Variants in TNFSF4 observed in about 807,000 individuals in gnomAD.
TNFSF4 encodes tumor necrosis factor ligand superfamily member 4.
TNFSF4 carries 4 observed loss-of-function variants against 7.3 expected under a neutral mutation model. The ratio of observed to expected loss-of-function variants is 0.55; its 90% CI spans 0.27 to 1.25. The LOEUF (loss-of-function observed/expected upper bound fraction) is 1.25, where lower values mean the gene tolerates loss of function less well. Among genes scored for constraint, TNFSF4 ranks in the 50% most tolerant of loss-of-function variants. The pLI, the probability that TNFSF4 is intolerant of heterozygous loss-of-function variation, is 0.12. For missense variants in TNFSF4, 181 were observed against 208.8 expected (o/e 0.87, Z 0.82); for synonymous variants, 76 against 83.7 (o/e 0.91, Z 0.50).
the TNFSF4 span, among the ~76,000 whole-genome samples, chr1:173,393,104 G>C: frequency 6.6e-6 from 1 of 152,100 alleles, no homozygotes; most frequent in Non-Finnish European, 1.5e-5. Flanking sequence ...GGAATGGAAG[G>C]GCTGAATAGC....
the TNFSF4 span, among the ~76,000 whole-genome samples, chr1:173,238,239 G>A: frequency 6.6e-6 from 1 of 152,104 alleles, no homozygotes. Flanking sequence ...ACACCATATC[G>A]AAAAATCAAC....
At chr1:173,450,634 C>G in the TNFSF4 span, among the ~76,000 whole-genome samples, 2 of 147,866 alleles carry the variant, frequency 1.4e-5, no homozygotes, top group African/African-American at 5.0e-5. Context: ...GAAAAGCCAT[C>G]AATGTAATTC....
the TNFSF4 span, among the ~76,000 whole-genome samples, chr1:173,272,199 G>T: frequency 1.3e-5 from 2 of 152,052 alleles, no homozygotes; most frequent in African/African-American, 2.4e-5. Context: ...GCCTGTCGTG[G>T]GGTGGTGGGG....
the TNFSF4 span, among the ~76,000 whole-genome samples, chr1:173,217,265 G>T: frequency 2.6e-5 from 4 of 152,212 alleles, no homozygotes; most frequent in Non-Finnish European, 4.4e-5. Flanking sequence ...GAACAGAATA[G>T]ACTGGATTGT....
chr1:173,419,906 G>T, the TNFSF4 span, among the ~76,000 whole-genome samples: 2 of 147,546 alleles, frequency 1.4e-5, no homozygotes, highest in African/African-American at 5.3e-5. Flanking sequence ...TTTGTGTGGC[G>T]GGGGGGGGGA....
chr1:173,271,044 C>G, the TNFSF4 span, among the ~76,000 whole-genome samples: 1 of 152,102 alleles, frequency 6.6e-6, no homozygotes, highest in African/African-American at 2.4e-5. Flanking sequence ...ACTATTTAGT[C>G]CATCCTTAAA....
intron 1 of TNFSF4, among the ~76,000 whole-genome samples, chr1:173,190,383 C>T (rs775848212): frequency 1.8e-4 from 28 of 152,198 alleles, no homozygotes; most frequent in Non-Finnish European, 3.2e-4. Context: ...TCCATTGGCA[C>T]CTGCCCACAC....
chr1:173,185,729 A>T lies in TNFSF4; in HGVS notation c.*787T>A, dbSNP rs1038878141. 6.6e-6 allele frequency: 1 copy of T among 152,172 alleles called. No individual in the cohort carries two copies. Among genetic ancestry groups the T allele is most frequent in the African/African-American group, 2.4e-5 (1 of 41,426 alleles). The allele number at this position is 152,172 out of a possible 1,614,324, so 9.4% of individuals were successfully genotyped here. ...CCTGCTATCCTGTACAGTAAAGCTAACCCTTCACAATAAGTTATCTCACTC... is the reference window on the plus strand; with the variant it reads ...CCTGCTATCCTGTACAGTAAAGCTATCCCTTCACAATAAGTTATCTCACTC... On this transcript the variant is annotated 3_prime_UTR_variant, in exon 3 of 3. Coordinates refer to ENST00000281834, the MANE Select transcript of TNFSF4 (RefSeq NM_003326.5).
chr1:173,196,659 C>T (rs1194844041), intron 1 of TNFSF4, among the ~76,000 whole-genome samples: 1 of 152,098 alleles, frequency 6.6e-6, no homozygotes, highest in Admixed American at 6.6e-5. Context: ...AGAGAAATGT[C>T]CTATATTTAG....
chr1:173,300,808 G>A, the TNFSF4 span, among the ~76,000 whole-genome samples: 1 of 151,826 alleles, frequency 6.6e-6, no homozygotes, highest in Admixed American at 6.6e-5. Flanking sequence ...TAAAAGCAAA[G>A]TGTATTGGAG....
the TNFSF4 span, among the ~76,000 whole-genome samples, chr1:173,379,548 C>T: frequency 1.3e-5 from 2 of 152,216 alleles, no homozygotes; most frequent in South Asian, 4.1e-4. Flanking sequence ...AGTTTATTAC[C>T]CAATCAGCCA....
chr1:173,382,378 C>T, the TNFSF4 span, among the ~76,000 whole-genome samples: 10 of 152,216 alleles, frequency 6.6e-5, no homozygotes, highest in East Asian at 1.9e-4. Context: ...TAACACTCAC[C>T]GTGAGGGTCC....
chr1:173,226,890 C>A, the TNFSF4 span, among the ~76,000 whole-genome samples: 22 of 152,156 alleles, frequency 1.4e-4, no homozygotes, highest in Non-Finnish European at 2.8e-4. Flanking sequence ...ACTTTGCATT[C>A]AAATGTTTAC....
At chr1:173,338,633 G>A in the TNFSF4 span, among the ~76,000 whole-genome samples, 2 of 152,110 alleles carry the variant, frequency 1.3e-5, no homozygotes, top group Admixed American at 1.3e-4. Flanking sequence ...GCTAGGGTCC[G>A]GGATTCATGG....
chr1:173,186,437 C>T lies in TNFSF4; in HGVS notation c.*79G>A. 2 of 1,214,782 alleles carry T rather than the reference C, an allele frequency of 1.6e-6. No homozygotes were observed. The highest frequency in any genetic ancestry group is 2.4e-5 in the East Asian group (1 of 42,262). The allele number at this position is 1,214,782 out of a possible 1,614,324, so 75.3% of individuals were successfully genotyped here. ...CTGAGCTGGGAGGCTCCTTCACTTG[C>T]AATGAAGAATCCATGCCCTGTCCAC... On this transcript the variant is annotated 3_prime_UTR_variant, in exon 3 of 3. Coordinates refer to ENST00000281834, the MANE Select transcript of TNFSF4 (RefSeq NM_003326.5).
the TNFSF4 span, among the ~76,000 whole-genome samples, chr1:173,288,069 A>G: frequency 1.3e-5 from 2 of 152,246 alleles, no homozygotes; most frequent in Admixed American, 1.3e-4. Context: ...AAGTTTCCAA[A>G]TACATAAAGC....
chr1:173,201,627 G>A (rs1380967222), intron 1 of TNFSF4, among the ~76,000 whole-genome samples: 1 of 152,162 alleles, frequency 6.6e-6, no homozygotes, highest in African/African-American at 2.4e-5. Context: ...GGGTCAAGAG[G>A]TAAAAGCCTG....
At chr1:173,384,317 AG>A in the TNFSF4 span, among the ~76,000 whole-genome samples, 1 of 152,208 alleles carries the variant, frequency 6.6e-6, no homozygotes. Context: ...AAAGTACAGT[AG>A]AGTAAATGAG....
In TNFSF4 at chr1:173,201,681, C is replaced by T. The variant is rs1649948885; in HGVS notation, c.153+5343G>A. ...CCTGGCCCAGGGCACTCCCTTTATA[C>T]TTCAATGAGTCCTCCAAAATCTGAG... On this transcript the variant is annotated intron_variant, in intron 1 of 2. Coordinates refer to ENST00000281834, the MANE Select transcript of TNFSF4 (RefSeq NM_003326.5). Among the ~76,000 whole-genome samples the T allele has an allele frequency of 2.6e-5, 4 of 152,146 alleles. No individual in the cohort carries two copies. The South Asian group carries it at 8.3e-4, about 32-fold the overall frequency.
Sources: allele counts gnomAD v4.1 joint callset (sites outside exome capture counted in the v4.1 genomes callset), GRCh38; gene constraint gnomAD v4.1.1; transcripts MANE v1.5; gene names NCBI Gene and HGNC (gene_info 2026-07-23, HGNC 2026-07-21).